Variants in ZGRF1 observed in about 807,000 individuals in gnomAD.
ZGRF1 encodes 5'-3' DNA helicase ZGRF1.
ZGRF1 carries 196 observed loss-of-function variants against 203.5 expected under a neutral mutation model. The ratio of observed to expected loss-of-function variants is 0.96; its 90% confidence interval spans 0.86 to 1.08. The LOEUF is 1.08. ZGRF1 is among the 50% of genes least tolerant of loss of function. The probability of loss-of-function intolerance (pLI) is 0.00; values close to 1 mark genes in which losing one functional copy is unlikely to be tolerated. For missense variants in ZGRF1, 2,326 were observed against 2,416.3 expected (o/e 0.96, Z 0.78); for synonymous variants, 809 against 841.3 (o/e 0.96, Z 0.66).
At chr4:112,573,169 C>CAG (rs1322448875) in intron 16 of ZGRF1, among the ~76,000 whole-genome samples, 1 of 121,146 alleles carries the variant, frequency 8.3e-6, no homozygotes, top group Non-Finnish European at 1.7e-5. Flanking sequence ...AATTGTGATA[C>CAG]ACACACACAC....
At chr4:112,609,503 AT>A in intron 7 of ZGRF1, 74 bp from the exon 8 acceptor site, 1 of 733,460 alleles carries the variant, frequency 1.4e-6, no homozygotes, top group Non-Finnish European at 2.2e-6. Context: ...ATAAATTTCT[AT>A]TAGACTTAAG....
At chr4:112,556,741 A>C (rs982269802) in intron 20 of ZGRF1, among the ~76,000 whole-genome samples, 1 of 152,238 alleles carries the variant, frequency 6.6e-6, no homozygotes, top group Non-Finnish European at 1.5e-5. Flanking sequence ...TCAAATTTGG[A>C]AAACAAAATG....
chr4:112,553,475 C>T lies in ZGRF1; in HGVS notation c.5346+360G>A, dbSNP rs1740340608. On this transcript the variant is annotated intron_variant, in intron 22 of 27. Coordinates refer to ENST00000505019, the MANE Select transcript of ZGRF1 (RefSeq NM_018392.5). ...TGGATATTTTACTCAGGGTCAGATC[C>T]TCTCCATCACTGTTTCTCCTAGAAT... Among the ~76,000 whole-genome samples the T allele has an allele frequency of 2.6e-5, 4 of 152,228 alleles. No homozygotes were observed. The South Asian group carries it at 8.3e-4, about 31-fold the overall frequency.
At chr4:112,545,726 ACTAT>A (rs796737618) in intron 24 of ZGRF1, among the ~76,000 whole-genome samples, 3 of 152,204 alleles carry the variant, frequency 2.0e-5, no homozygotes, top group East Asian at 1.9e-4. Flanking sequence ...AAACAACCCA[ACTAT>A]CTATCAACAG....
intron 26 of ZGRF1, among the ~76,000 whole-genome samples, 151 bp from the exon 27 acceptor site, chr4:112,540,275 TGATA>T (rs780153072): frequency 2.7e-4 from 41 of 152,330 alleles, no homozygotes; most frequent in Admixed American, 2.4e-3. Context: ...GTTTCTAAAA[TGATA>T]GATAAATGAC....
chr4:112,618,728 TTTA>T lies in ZGRF1; in HGVS notation c.1311_1313del (p.Asn437del). 1 of 1,610,928 alleles carries T rather than the reference TTTA, an allele frequency of 6.2e-7. No individual in the cohort carries two copies. Reference sequence around the variant, plus strand: ...CCTTGTCATTTTGATTAAAAGGTATTTTATTATCTTCTTGAATGTCAGATTCTG... The same window carrying T: ...CCTTGTCATTTTGATTAAAAGGTATTTTATCTTCTTGAATGTCAGATTCTG... On this transcript the variant is annotated inframe_deletion, in exon 6 of 28. Coordinates refer to ENST00000505019, the MANE Select transcript of ZGRF1 (RefSeq NM_018392.5).
chr4:112,569,354 C>G (rs923003449), intron 16 of ZGRF1, among the ~76,000 whole-genome samples: 2 of 152,204 alleles, frequency 1.3e-5, no homozygotes, highest in Non-Finnish European at 2.9e-5. Flanking sequence ...ATTCAGAAAG[C>G]TTGCTACAAA....
At chr4:112,566,493 TAATAA>T (rs753801573) in intron 16 of ZGRF1, among the ~76,000 whole-genome samples, 1 of 151,246 alleles carries the variant, frequency 6.6e-6, no homozygotes, top group Non-Finnish European at 1.5e-5. Context: ...AGTATAATAA[TAATAA>T]AATAAAATAA....
intron 26 of ZGRF1, 70 bp from the exon 27 acceptor site, chr4:112,540,194 A>G: frequency 9.0e-7 from 1 of 1,115,628 alleles, no homozygotes; most frequent in South Asian, 2.8e-5. Flanking sequence ...ACCTGCTCAA[A>G]GCAACCACTG....
chr4:112,568,884 TG>T (rs1483100600), intron 16 of ZGRF1, among the ~76,000 whole-genome samples: 1 of 151,796 alleles, frequency 6.6e-6, no homozygotes, highest in Non-Finnish European at 1.5e-5. Flanking sequence ...CATGGTGGTG[TG>T]CGCCTGTAGT....
At chr4:112,628,629 T>C (rs779848512) in intron 3 of ZGRF1, 15 of 456,134 alleles carry the variant, frequency 3.3e-5, no homozygotes, top group African/African-American at 8.0e-5. Flanking sequence ...GCCTGGAACA[T>C]AGAAACTTTC....
chr4:112,568,721 A>G (rs1156696954), intron 16 of ZGRF1, among the ~76,000 whole-genome samples: 2 of 143,672 alleles, frequency 1.4e-5, no homozygotes, highest in African/African-American at 5.2e-5. Context: ...CAAAAAAAAA[A>G]AAAAAAAAAA....
chr4:112,554,088 A>C, intron 21 of ZGRF1, 106 bp from the exon 22 acceptor site: 1 of 980,556 alleles, frequency 1.0e-6, no homozygotes, highest in Non-Finnish European at 1.5e-6. Flanking sequence ...GTTTTAGGGT[A>C]CATGTGCACA....
chr4:112,597,078 G>A (rs930480585), intron 10 of ZGRF1, among the ~76,000 whole-genome samples: 1 of 151,896 alleles, frequency 6.6e-6, no homozygotes, highest in African/African-American at 2.4e-5. Flanking sequence ...GCCAGGTGTG[G>A]TGGTGCACGC....
At position 112,609,390 on chromosome 4, in the gene ZGRF1, G is replaced by T; in HGVS notation, c.2707C>A (p.Gln903Lys). 1 of 1,579,806 alleles carries T rather than the reference G, an allele frequency of 6.3e-7. No individual in the cohort carries two copies. Among genetic ancestry groups the T allele is most frequent in the Non-Finnish European group, 8.6e-7 (1 of 1,156,296 alleles). The change falls in exon 8 of 28, where the codon CAG becomes AAG. Residue 903 changes from glutamine to lysine, a missense_variant. Coordinates refer to ENST00000505019, the MANE Select transcript of ZGRF1 (RefSeq NM_018392.5). Reference sequence around the variant, plus strand: ...TTTAAATAACTTACCTGCACAGACTGAAGTGGTTCACTTAGTTCAACTTCA... The same window carrying T: ...TTTAAATAACTTACCTGCACAGACTTAAGTGGTTCACTTAGTTCAACTTCA... ...EDEVELSEPL[Q>K]SVQFSSSGSK...
intron 16 of ZGRF1, among the ~76,000 whole-genome samples, chr4:112,574,652 G>A (rs1208155760): frequency 1.3e-5 from 2 of 152,172 alleles, no homozygotes; most frequent in African/African-American, 4.8e-5. Context: ...ATGAAGGTGA[G>A]CTATGTGAGG....
intron 4 of ZGRF1, among the ~76,000 whole-genome samples, chr4:112,621,479 G>A (rs1419121915): frequency 5.9e-5 from 9 of 151,606 alleles, no homozygotes; most frequent in Admixed American, 1.3e-4. Flanking sequence ...GTGAAACCCC[G>A]TCTCTACTAA....
Position 112,619,028 on chromosome 4 carries a change from T to C in ZGRF1, c.1014A>G (p.Ile338Met), listed in dbSNP as rs1190384169. 1 of 1,614,032 alleles carries C rather than the reference T, an allele frequency of 6.2e-7. No individual in the cohort carries two copies. Among genetic ancestry groups the C allele is most frequent in the Non-Finnish European group, 8.5e-7 (1 of 1,179,938 alleles). Reference sequence around the variant, plus strand: ...CATTCCCATCTACAGTAGAAGAATGTATAGGTGAACTCTGTGAGGATAAAT... The same window carrying C: ...CATTCCCATCTACAGTAGAAGAATGCATAGGTGAACTCTGTGAGGATAAAT... Reference protein sequence around the residue: ...AMYLSSQSSPIHSSTVDGNDT... With the variant: ...AMYLSSQSSPMHSSTVDGNDT... The change falls in exon 6 of 28, where the codon ATA (isoleucine) becomes ATG (methionine). Residue 338 changes from isoleucine to methionine, a missense_variant. Transcript: ENST00000505019.
At chr4:112,609,033 T>G (rs1441253008) in intron 8 of ZGRF1, among the ~76,000 whole-genome samples, 1 of 152,074 alleles carries the variant, frequency 6.6e-6, no homozygotes, top group East Asian at 1.9e-4. Flanking sequence ...ATGCCATACC[T>G]CTATATACAA....
Sources: allele counts gnomAD v4.1 joint callset (sites outside exome capture counted in the v4.1 genomes callset), GRCh38; gene constraint gnomAD v4.1.1; transcripts MANE v1.5; gene names NCBI Gene and HGNC (gene_info 2026-07-23, HGNC 2026-07-21).